The following EEA1 variants were observed in gnomAD, a reference collection of about 807,000 sequenced individuals.
The protein encoded by EEA1 is early endosome antigen 1.
Under a neutral mutation model 209.2 loss-of-function variants are expected in EEA1, and 111 were observed. The observed-to-expected ratio is 0.53, with a 90% confidence interval of 0.45 to 0.62. EEA1 has a LOEUF of 0.62. Ranked by LOEUF, EEA1 falls within the 20% of genes least tolerant of loss-of-function variation. EEA1 has a pLI of 0.00. For missense variants in EEA1, 1,343 were observed against 1,530.8 expected (o/e 0.88, Z 2.05); for synonymous variants, 536 against 540.6 (o/e 0.99, Z 0.12).
chr12:92,902,571 T>C (rs952674784), intron 1 of EEA1, among the ~76,000 whole-genome samples: 1 of 152,018 alleles, frequency 6.6e-6, no homozygotes, highest in African/African-American at 2.4e-5. Flanking sequence ...TGAAACCCCG[T>C]CTCTACTAAA....
chr12:92,835,098 G>A (rs560054040), intron 10 of EEA1, among the ~76,000 whole-genome samples: 2 of 151,828 alleles, frequency 1.3e-5, no homozygotes, highest in Non-Finnish European at 2.9e-5. Flanking sequence ...AGCCAGGATG[G>A]TCTCGATCTC....
At chr12:92,884,653 C>T (rs1879304315) in intron 2 of EEA1, 1 of 1,276,378 alleles carries the variant, frequency 7.8e-7, no homozygotes, top group African/African-American at 1.5e-5. Context: ...ACCAAGGTGG[C>T]TATGGTGGTT....
intron 2 of EEA1, among the ~76,000 whole-genome samples, chr12:92,872,005 C>T (rs946280452): frequency 1.3e-5 from 2 of 151,714 alleles, no homozygotes; most frequent in African/African-American, 4.8e-5. Flanking sequence ...CTCAGCCTCC[C>T]GAGTAGCTGG....
intron 11 of EEA1, among the ~76,000 whole-genome samples, chr12:92,831,585 T>A (rs1435248336): frequency 3.4e-5 from 5 of 147,516 alleles, no homozygotes; most frequent in African/African-American, 7.4e-5. Flanking sequence ...ACTATATATA[T>A]AAAATATATA....
chr12:92,848,742 T>TCTCACC (rs1877486028), intron 9 of EEA1, among the ~76,000 whole-genome samples: 3 of 138,838 alleles, frequency 2.2e-5, no homozygotes, highest in Non-Finnish European at 4.6e-5. Flanking sequence ...TTTTTTTTTT[T>TCTCACC]TTTTTTTTGA....
Position 92,805,767 on chromosome 12 carries a change from T to C in EEA1, c.2340-3033A>G, listed in dbSNP as rs971996914. On this transcript the variant is annotated intron_variant, in intron 18 of 28. Coordinates refer to ENST00000322349, the MANE Select transcript of EEA1 (RefSeq NM_003566.4). ...ACGAATGATGCTGCAGCTAAGCACT[T>C]CTATGGCTATATATGTTCAGAAGCA... Among the ~76,000 whole-genome samples, 45 of 152,148 alleles carry C rather than the reference T, an allele frequency of 3.0e-4. 1 individual carries two copies. Among genetic ancestry groups the C allele is most frequent in the Admixed American group, 6.5e-5 (1 of 15,284 alleles).
intron 10 of EEA1, among the ~76,000 whole-genome samples, chr12:92,835,702 C>T (rs112886292): frequency 0.019 from 2,833 of 152,074 alleles, 96 homozygotes; most frequent in African/African-American, 0.063. Flanking sequence ...TGAGCCACCG[C>T]GCCCGGCTGA....
At chr12:92,883,978 G>T (rs1452972568) in intron 2 of EEA1, 9 of 1,419,824 alleles carry the variant, frequency 6.3e-6, no homozygotes, top group African/African-American at 5.6e-5. Flanking sequence ...GGAGGAGGTG[G>T]ATGCAGCCAT....
At chr12:92,820,455 CCT>C (rs1387386165) in intron 13 of EEA1, among the ~76,000 whole-genome samples, 5 of 152,116 alleles carry the variant, frequency 3.3e-5, no homozygotes, top group Non-Finnish European at 7.4e-5. Flanking sequence ...AACCTCTCTG[CCT>C]CTCAGTCTCT....
At position 92,802,718 on chromosome 12, in the gene EEA1, A is replaced by G. The variant is rs1384037614; in HGVS notation, c.2356T>C (p.Leu786=). ...MEKEIVSSTR[L]DLQKKSEALE... The stretch of plus-strand genomic sequence containing the variant: ...GCTTCAGATTTTTTCTGTAGATCCA[A>G]TCTTGTACTGGATACTCTAAATATT... Residue 786 remains leucine, a synonymous_variant, in exon 19 of 29, where the codon TTG becomes CTG. Coordinates refer to ENST00000322349, the MANE Select transcript of EEA1 (RefSeq NM_003566.4). 1.9e-6 allele frequency: 3 copies of G among 1,589,968 alleles called. No homozygotes were observed. The highest frequency in any genetic ancestry group is 2.4e-5 in the South Asian group (2 of 84,990).
chr12:92,853,938 C>T lies in EEA1; in HGVS notation c.383G>A (p.Gly128Glu). Residue 128 changes from glycine (G) to glutamate (E), a missense_variant, in exon 6 of 29, where the codon GGG becomes GAG. Gly to Glu is a moderately conservative substitution (Grantham distance 98). Coordinates refer to ENST00000322349, the MANE Select transcript of EEA1 (RefSeq NM_003566.4). Reference protein sequence around the residue: ...GLQQQEAKPDGLVTDSSAELQ... With the variant: ...GLQQQEAKPDELVTDSSAELQ... ...ACCTGCTGATGAATCAGTCACCAAC[C>T]CATCAGGTTTGGCCTCCTCAATTAA... 6.3e-7 allele frequency: 1 copy of T among 1,598,174 alleles called. No homozygotes were observed. Among genetic ancestry groups the T allele is most frequent in the South Asian group, 1.1e-5 (1 of 87,952 alleles).
chr12:92,894,257 C>T (rs1879775837), intron 1 of EEA1, among the ~76,000 whole-genome samples: 1 of 152,072 alleles, frequency 6.6e-6, no homozygotes, highest in African/African-American at 2.4e-5. Context: ...CTCCCTTCTC[C>T]TTGAGCCTCC....
At chr12:92,910,468 C>CA (rs35346564) in intron 1 of EEA1, among the ~76,000 whole-genome samples, 141 of 139,524 alleles carry the variant, frequency 1.0e-3, no homozygotes, top group South Asian at 2.3e-3. Flanking sequence ...GACTCCATCT[C>CA]AAAAAAAAAT....
intron 1 of EEA1, among the ~76,000 whole-genome samples, chr12:92,904,229 G>C (rs140047584): frequency 8.0e-4 from 122 of 152,242 alleles, no homozygotes; most frequent in African/African-American, 2.7e-3. Flanking sequence ...CCAAAGTGCT[G>C]GGATTACAGG....
chr12:92,802,469 A>T lies in EEA1; in HGVS notation c.2605T>A (p.Leu869Met). ...KDKLSKVSDSLKNSKSEFEKE... is the reference protein window; with the variant it reads ...KDKLSKVSDSMKNSKSEFEKE... ...TCAAATTCACTTTTAGAGTTTTTCA[A>T]AGAATCAGAAACTTTTGATAGTTTG... The change falls in exon 19 of 29, where the codon TTG (leucine) becomes ATG (methionine). Residue 869 changes from leucine (L) to methionine (M), a missense_variant. Around this residue, in one of 3 missense-constraint regions of EEA1, gnomAD observed 1,307 missense variants for 1,465.5 expected, o/e 0.89. Coordinates refer to ENST00000322349, the MANE Select transcript of EEA1 (RefSeq NM_003566.4). 1 of 1,580,744 alleles carries T rather than the reference A, an allele frequency of 6.3e-7. No homozygotes were observed. Among genetic ancestry groups the T allele is most frequent in the Non-Finnish European group, 8.5e-7 (1 of 1,171,496 alleles).
At chr12:92,797,300 C>T (rs535956007) in intron 21 of EEA1, among the ~76,000 whole-genome samples, 1 of 152,254 alleles carries the variant, frequency 6.6e-6, no homozygotes, top group Admixed American at 6.5e-5. Flanking sequence ...GTTGGCCAGG[C>T]TGGTCTCGAA....
intron 1 of EEA1, among the ~76,000 whole-genome samples, chr12:92,898,792 G>C (rs1368739392): frequency 8.6e-6 from 1 of 116,366 alleles, no homozygotes; most frequent in Non-Finnish European, 1.6e-5. Context: ...TGCCCAGGCT[G>C]GTCTTGAACT....
intron 14 of EEA1, 121 bp from the exon 15 acceptor site, chr12:92,816,521 C>T: frequency 1.2e-6 from 1 of 861,554 alleles, no homozygotes; most frequent in East Asian, 2.7e-5. Flanking sequence ...CAAAATTTTT[C>T]AAGTAAAATT....
intron 6 of EEA1, 54 bp downstream of exon 6, chr12:92,853,861 A>T: frequency 1.3e-6 from 2 of 1,520,520 alleles, no homozygotes. Flanking sequence ...AAGAAAGGAA[A>T]ACAAATAAGA....
Sources: gnomAD v4.1 joint callset for allele counts (sites outside exome capture counted in the v4.1 genomes callset) on GRCh38, gnomAD v4.1.1 for gene constraint, gnomAD v4.1.1 regional missense constraint, MANE v1.5 for transcripts, NCBI Gene and HGNC (gene_info 2026-07-23, HGNC 2026-07-21) for gene names.